ZNF600: variants seen among roughly 807,000 people sequenced by gnomAD.
ZNF600 encodes zinc finger protein KR-ZNF1.
Under a neutral mutation model 7.3 loss-of-function variants are expected in ZNF600, and 4 were observed. That is an observed-to-expected ratio of 0.55 (90% CI 0.27 to 1.25). The LOEUF (loss-of-function observed/expected upper bound fraction) is 1.25. Ranked by LOEUF, ZNF600 falls within the 50% of genes most tolerant of loss-of-function variation. ZNF600 has a pLI of 0.12. For synonymous variants in ZNF600, 290 were observed against 308.9 expected (o/e 0.94, Z 0.64); for missense variants, 911 against 922.1 (o/e 0.99, Z 0.16).
upstream of ZNF600, among the ~76,000 whole-genome samples, chr19:52,790,064 CGGCCATTTACA>C (rs2062787451): frequency 6.6e-6 from 1 of 152,098 alleles, no homozygotes; most frequent in Non-Finnish European, 1.5e-5. Context: ...AGGCAAGGAC[CGGCCATTTACA>C]CTTCTTTTGT....
At chr19:52,786,390 C>T (rs1251995944) in intron 1 of ZNF600, among the ~76,000 whole-genome samples, 1 of 152,022 alleles carries the variant, frequency 6.6e-6, no homozygotes, top group Non-Finnish European at 1.5e-5. Flanking sequence ...CCAACTGGGG[C>T]GAGGCTGGGA....
At chr19:52,779,484 T>C (rs1418476594) in intron 1 of ZNF600, among the ~76,000 whole-genome samples, 1 of 152,180 alleles carries the variant, frequency 6.6e-6, no homozygotes, top group African/African-American at 2.4e-5. Flanking sequence ...GCCCTCCCCT[T>C]GGGGCCTTGT....
intron 3 of ZNF600, among the ~76,000 whole-genome samples, chr19:52,769,508 T>C (rs1481844391): frequency 6.6e-6 from 1 of 152,202 alleles, no homozygotes; most frequent in African/African-American, 2.4e-5. Context: ...ACCTTACCTA[T>C]CACTGGAGAT....
intron 2 of ZNF600, among the ~76,000 whole-genome samples, chr19:52,777,630 G>T (rs995615533): frequency 1.3e-5 from 2 of 152,126 alleles, no homozygotes; most frequent in Non-Finnish European, 2.9e-5. Flanking sequence ...AGGAGTTCGA[G>T]ACCAGCCTAA....
At chr19:52,801,540 T>A in the ZNF600 span, 1 of 1,614,196 alleles carries the variant, frequency 6.2e-7, no homozygotes, top group Non-Finnish European at 8.5e-7. Flanking sequence ...TTCATCTTCT[T>A]TCCACTGAAA....
chr19:52,798,710 C>T, the ZNF600 span: 12 of 458,884 alleles, frequency 2.6e-5, no homozygotes, highest in East Asian at 6.2e-5. Flanking sequence ...AGCATGAGTT[C>T]GATGATGAAT....
chr19:52,821,468 C>T, the ZNF600 span: 1 of 152,260 alleles, frequency 6.6e-6, no homozygotes, highest in Non-Finnish European at 1.5e-5. Context: ...TCTCCATTTG[C>T]TCTGAGTGAA....
At chr19:52,779,012 C>T in intron 1 of ZNF600, 105 bp from the exon 4 acceptor site, 1 of 988,008 alleles carries the variant, frequency 1.0e-6, no homozygotes, top group South Asian at 1.8e-5. Flanking sequence ...AAGAAGTCCC[C>T]CACCGCCCAC....
the ZNF600 span, among the ~76,000 whole-genome samples, chr19:52,811,014 C>G: frequency 2.1e-5 from 3 of 142,450 alleles, no homozygotes; most frequent in African/African-American, 5.1e-5. Flanking sequence ...CTCAGCCTGC[C>G]GAGTGCCTGC....
the ZNF600 span, among the ~76,000 whole-genome samples, chr19:52,814,999 T>C: frequency 1.4e-5 from 2 of 145,986 alleles, 1 homozygote; most frequent in African/African-American, 5.3e-5. Context: ...AATTAGATGT[T>C]AATAACAAAG....
the ZNF600 span, among the ~76,000 whole-genome samples, chr19:52,832,090 G>GTTGCACGCGTGGTGATGCACACCTC: frequency 6.6e-6 from 1 of 151,832 alleles, no homozygotes; most frequent in South Asian, 2.1e-4. Flanking sequence ...ACATCACAGT[G>GTTGCACGCGTGGTGATGCACACCTC]TAATCCCAGC....
intron 3 of ZNF600, 70 bp from the exon 6 acceptor site, chr19:52,767,842 A>G (rs2062601516): frequency 1.4e-6 from 2 of 1,474,146 alleles, no homozygotes; most frequent in Non-Finnish European, 1.8e-6. Flanking sequence ...GTGTGTAAAT[A>G]TGACACAAAA....
At chr19:52,798,340 T>G in the ZNF600 span, 1 of 334,126 alleles carries the variant, frequency 3.0e-6, no homozygotes, top group South Asian at 2.6e-5. Context: ...AATTAATGCT[T>G]AAACTCAATG....
chr19:52,809,757 A>C, the ZNF600 span: 12 of 472,222 alleles, frequency 2.5e-5, no homozygotes, highest in African/African-American at 2.5e-4. Flanking sequence ...GTGAGCTGAG[A>C]TCATGCCACT....
At chr19:52,801,377 A>G in the ZNF600 span, 3 of 1,614,210 alleles carry the variant, frequency 1.9e-6, no homozygotes, top group South Asian at 2.2e-5. Flanking sequence ...TTTTCCCTTC[A>G]GGCTGAAATA....
At chr19:52,788,505 A>C (rs1281053832), upstream of ZNF600, among the ~76,000 whole-genome samples, 1 of 152,106 alleles carries the variant, frequency 6.6e-6, no homozygotes, top group Non-Finnish European at 1.5e-5. Flanking sequence ...GGGAGACCTC[A>C]CCAGGGATAA....
the ZNF600 span, among the ~76,000 whole-genome samples, chr19:52,822,117 G>A: frequency 1.7e-5 from 2 of 116,088 alleles, no homozygotes; most frequent in South Asian, 5.3e-4. Flanking sequence ...CTGTCGCCCT[G>A]GCTGGAGTGC....
chr19:52,812,906 C>T, the ZNF600 span, among the ~76,000 whole-genome samples: 4 of 151,590 alleles, frequency 2.6e-5, no homozygotes, highest in South Asian at 8.4e-4. Flanking sequence ...GTCCCTATGT[C>T]CAAAGAATAC....
the ZNF600 span, among the ~76,000 whole-genome samples, chr19:52,810,941 C>A: frequency 7.6e-6 from 1 of 131,312 alleles, no homozygotes; most frequent in Non-Finnish European, 1.6e-5. Flanking sequence ...TGATGCCGAG[C>A]CAAAGCTGGA....
Sources: allele counts gnomAD v4.1 joint callset (sites outside exome capture counted in the v4.1 genomes callset), GRCh38; gene constraint gnomAD v4.1.1; transcripts MANE v1.5; gene names NCBI Gene and HGNC (gene_info 2026-07-23, HGNC 2026-07-21).